The following GRAMD4 variants were observed in gnomAD, a reference collection of about 807,000 sequenced individuals.
GRAMD4 encodes GRAM domain-containing protein 4.
A neutral mutation model predicts 83.9 loss-of-function variants in GRAMD4; 25 were observed. That is an observed-to-expected ratio of 0.30 (90% CI 0.22 to 0.42). The LOEUF (loss-of-function observed/expected upper bound fraction) is 0.42, where lower values mean the gene tolerates loss of function less well. GRAMD4 is among the 10% of genes least tolerant of loss of function. The probability of loss-of-function intolerance (pLI) is 1.00; values close to 1 mark genes in which losing one functional copy is unlikely to be tolerated. For synonymous variants in GRAMD4, 336 were observed against 320.9 expected, an observed-to-expected ratio of 1.05 and a Z score of -0.50; for missense variants, 593 against 788.7, an observed-to-expected ratio of 0.75 and a Z score of 2.97.
chr22:46,598,654 C>T (rs2081284455), intron 1 of GRAMD4, among the ~76,000 whole-genome samples: 1 of 151,866 alleles, frequency 6.6e-6, no homozygotes, highest in Non-Finnish European at 1.5e-5. Context: ...GGGGAAGGAG[C>T]TTGTTTAGAA....
chr22:46,595,109 C>CA (rs1037696418), intron 1 of GRAMD4, among the ~76,000 whole-genome samples: 24 of 152,164 alleles, frequency 1.6e-4, no homozygotes, highest in African/African-American at 4.6e-4. Context: ...ACATGCGGCC[C>CA]GGGGGGAGAG....
At chr22:46,610,303 A>G (rs571198170) in intron 1 of GRAMD4, among the ~76,000 whole-genome samples, 1 of 152,232 alleles carries the variant, frequency 6.6e-6, no homozygotes, top group Non-Finnish European at 1.5e-5. Flanking sequence ...TAGTGGGGAC[A>G]TGGGCTTCTG....
chr22:46,678,975 C>T lies in GRAMD4; in HGVS notation c.*1724C>T. Reference sequence around the variant, plus strand: ...TTCCCGAATGGGGACAGAACCCGCTCTGAGCCGTGGGTCTGGCTCCTGTAG... The same window carrying T: ...TTCCCGAATGGGGACAGAACCCGCTTTGAGCCGTGGGTCTGGCTCCTGTAG... On this transcript the variant is annotated 3_prime_UTR_variant, in exon 19 of 19. Coordinates refer to ENST00000406902, the MANE Select transcript of GRAMD4 (RefSeq NM_015124.5). 1 of 985,794 alleles carries T rather than the reference C, an allele frequency of 1.0e-6. No homozygotes were observed. Among genetic ancestry groups the T allele is most frequent in the Non-Finnish European group, 1.2e-6 (1 of 829,996 alleles). The allele number at this position is 985,794 out of a possible 1,614,324, so 61.1% of individuals were successfully genotyped here.
chr22:46,581,421 G>A (rs965618603), intron 1 of GRAMD4, among the ~76,000 whole-genome samples: 2 of 152,240 alleles, frequency 1.3e-5, no homozygotes, highest in African/African-American at 4.8e-5. Context: ...GTTCGTTCCC[G>A]AGCAGAGCTG....
Position 46,622,728 on chromosome 22 carries a change from A to G in GRAMD4, c.-50+2163A>G, listed in dbSNP as rs914400330. Among the ~76,000 whole-genome samples, 3 of 152,156 alleles carry G rather than the reference A, an allele frequency of 2.0e-5. No individual in the cohort carries two copies. The highest frequency in any genetic ancestry group is 4.4e-5 in the Non-Finnish European group (3 of 68,030). On this transcript the variant is annotated intron_variant, in intron 1 of 18. Transcript: ENST00000406902. This position sits in a 1 kb window ranked among gnomAD's most constrained non-coding sequence, Gnocchi z 4.0. ...GGAGATTGAGACCATCCTGGCTAAC[A>G]TGGCGAAACTCCGTCTCTACTAAAA...
intron 1 of GRAMD4, among the ~76,000 whole-genome samples, chr22:46,581,461 A>G (rs1326398191): frequency 6.6e-6 from 1 of 152,266 alleles, no homozygotes; most frequent in African/African-American, 2.4e-5. Context: ...TTTGCCCCCA[A>G]GGCTATGCTC....
intron 1 of GRAMD4, among the ~76,000 whole-genome samples, chr22:46,583,781 C>T (rs1002706604): frequency 1.3e-5 from 2 of 152,196 alleles, no homozygotes; most frequent in Non-Finnish European, 1.5e-5. Flanking sequence ...CTTGGCCACC[C>T]ACCTGAGATG....
chr22:46,627,910 G>A (rs960287830), intron 2 of GRAMD4, among the ~76,000 whole-genome samples: 11 of 152,190 alleles, frequency 7.2e-5, no homozygotes, highest in Admixed American at 6.5e-4. Flanking sequence ...CCGGCCTGCC[G>A]GGATCGGCCA....
chr22:46,608,548 G>A lies in GRAMD4; in HGVS notation c.-49-18203G>A, dbSNP rs6008931. Among the ~76,000 whole-genome samples the A allele has an allele frequency of 9.1e-3, 1,388 of 151,940 alleles. 26 individuals carry two copies. The highest frequency in any genetic ancestry group is 0.032 in the African/African-American group (1,307 of 41,410). ...ACAAAAATTATCTGTGTGTGGTGGC[G>A]GGTGCCTGCAGTGACAGCTCCTTGG... On this transcript the variant is annotated intron_variant, in intron 1 of 1. Coordinates refer to the GRAMD4 transcript ENST00000431155.
At chr22:46,601,916 C>A (rs535718009) in intron 1 of GRAMD4, among the ~76,000 whole-genome samples, 1 of 152,360 alleles carries the variant, frequency 6.6e-6, no homozygotes, top group Non-Finnish European at 1.5e-5. Context: ...TTCATATCTC[C>A]AGAGGTCTCC....
chr22:46,576,703 G>A (rs1313655381), upstream of GRAMD4, among the ~76,000 whole-genome samples: 2 of 152,124 alleles, frequency 1.3e-5, no homozygotes, highest in Non-Finnish European at 2.9e-5. Context: ...CGGGACGCGG[G>A]TTTCCACCGG....
At chr22:46,668,652 C>T (rs767043782) in intron 11 of GRAMD4, 37 bp from the exon 12 acceptor site, 16 of 1,598,784 alleles carry the variant, frequency 1.0e-5, no homozygotes, top group East Asian at 4.5e-5. Context: ...AGCCCAGGAG[C>T]GGGGGCTGTT....
chr22:46,634,547 C>T (rs12628428), intron 2 of GRAMD4, among the ~76,000 whole-genome samples: 119 of 152,320 alleles, frequency 7.8e-4, no homozygotes, highest in East Asian at 5.4e-3. Flanking sequence ...CCTTGGTCCA[C>T]AGTCAGGGGT....
chr22:46,585,533 C>T (rs1194553045), intron 1 of GRAMD4, among the ~76,000 whole-genome samples: 1 of 152,170 alleles, frequency 6.6e-6, no homozygotes, highest in Non-Finnish European at 1.5e-5. Flanking sequence ...CGGCCCTAGA[C>T]CCAGGAAGCC....
At chr22:46,638,481 T>C (rs979115641) in intron 3 of GRAMD4, among the ~76,000 whole-genome samples, 1 of 152,222 alleles carries the variant, frequency 6.6e-6, no homozygotes, top group African/African-American at 2.4e-5. Flanking sequence ...CTTCGGACTC[T>C]GCAGCAGTGA....
chr22:46,647,533 G>A (rs1169393466), intron 3 of GRAMD4, among the ~76,000 whole-genome samples: 1 of 152,244 alleles, frequency 6.6e-6, no homozygotes, highest in Non-Finnish European at 1.5e-5. Flanking sequence ...GCCCCCAGGG[G>A]CTGGGATGAA....
At chr22:46,633,572 C>T (rs2081809815) in intron 2 of GRAMD4, among the ~76,000 whole-genome samples, 1 of 152,242 alleles carries the variant, frequency 6.6e-6, no homozygotes, top group Non-Finnish European at 1.5e-5. Flanking sequence ...CTGGCCGGCC[C>T]TGCTTTCTCC....
rs779461057 is a variant in GRAMD4 at position 46,626,909 on chromosome 22, C to A, written c.110C>A (p.Pro37His). Residue 37 changes from proline (P) to histidine (H), a missense_variant, in exon 2 of 19, where the codon CCC becomes CAC. By Grantham distance (77) the Pro-to-His change is moderately conservative. Transcript: ENST00000406902. ...ASDTECSDEI[P>H]LKVPRTSPRD... is the part of the protein sequence containing the mutation. ...GACACCGAATGCAGCGACGAAATCCCCCTGAAGGTACCGCGGACCTCGCCC... is the reference window on the plus strand; with the variant it reads ...GACACCGAATGCAGCGACGAAATCCACCTGAAGGTACCGCGGACCTCGCCC... The A allele has an allele frequency of 1.9e-6, 3 of 1,614,058 alleles. No individual in the cohort carries two copies. In the African/African-American group the frequency reaches 4.0e-5, roughly 22 times the overall value.
At chr22:46,636,562 G>C (rs1601606975) in intron 2 of GRAMD4, among the ~76,000 whole-genome samples, 3 of 152,226 alleles carry the variant, frequency 2.0e-5, no homozygotes, top group Admixed American at 6.5e-5. Flanking sequence ...GAGCCGTTGC[G>C]GTGCTGCTCC....
Sources: gnomAD v4.1 joint callset for allele counts (sites outside exome capture counted in the v4.1 genomes callset) on GRCh38, gnomAD v4.1.1 for gene constraint, Gnocchi (gnomAD v3.1) non-coding constraint, MANE v1.5 for transcripts, NCBI Gene and HGNC (gene_info 2026-07-23, HGNC 2026-07-21) for gene names.